SORCS3: variants seen among roughly 807,000 people sequenced by gnomAD.
SORCS3 encodes the protein VPS10 domain-containing receptor SorCS3.
Under a neutral mutation model 146.3 loss-of-function variants are expected in SORCS3, and 57 were observed. That is an observed-to-expected ratio of 0.39 (90% CI 0.31 to 0.49). SORCS3 has a LOEUF of 0.49. Ranked by LOEUF, SORCS3 falls within the 20% of genes least tolerant of loss-of-function variation. The pLI is 0.92. For missense variants in SORCS3, 1,341 were observed against 1,575.5 expected (o/e 0.85, Z 2.52); for synonymous variants, 653 against 618.5 (o/e 1.06, Z -0.83).
intron 4 of SORCS3, among the ~76,000 whole-genome samples, chr10:105,016,134 A>AATATATATATATATATATAT (rs1355412638): frequency 7.1e-4 from 81 of 113,564 alleles, no homozygotes; most frequent in Middle Eastern, 5.3e-3. Flanking sequence ...ATATTATATA[A>AATATATATATATATATATAT]ATATATATAT....
chr10:104,851,336 TG>T (rs1277695741), intron 2 of SORCS3, among the ~76,000 whole-genome samples: 1 of 152,220 alleles, frequency 6.6e-6, no homozygotes, highest in African/African-American at 2.4e-5. Context: ...ATTGTGTCTG[TG>T]GATTGTTATT....
At chr10:104,893,804 T>C (rs2018772444) in intron 2 of SORCS3, among the ~76,000 whole-genome samples, 1 of 152,210 alleles carries the variant, frequency 6.6e-6, no homozygotes, top group African/African-American at 2.4e-5. Context: ...AGCACTGCCA[T>C]GCTTAGTAGT....
chr10:104,935,662 C>T (rs184556041), intron 3 of SORCS3, among the ~76,000 whole-genome samples: 76 of 149,094 alleles, frequency 5.1e-4, no homozygotes, highest in East Asian at 2.3e-3. Context: ...TGATTCTGCC[C>T]GGCAGGTCTA....
At chr10:104,703,979 G>A (rs1353650752) in intron 1 of SORCS3, among the ~76,000 whole-genome samples, 1 of 152,152 alleles carries the variant, frequency 6.6e-6, no homozygotes, top group Non-Finnish European at 1.5e-5. Context: ...GTGTAGAAGT[G>A]TATCAGGTAA....
chr10:105,117,117 A>C (rs188365796), intron 7 of SORCS3, among the ~76,000 whole-genome samples: 29 of 152,220 alleles, frequency 1.9e-4, no homozygotes, highest in Middle Eastern at 3.4e-3. Context: ...CTCATTCTAC[A>C]TGAATTTTCA....
intron 1 of SORCS3, among the ~76,000 whole-genome samples, chr10:104,740,833 A>C (rs918487649): frequency 1.3e-5 from 2 of 152,080 alleles, no homozygotes; most frequent in African/African-American, 4.8e-5. Context: ...TTCTTCTAGG[A>C]TCTTATCTAT....
intron 7 of SORCS3, among the ~76,000 whole-genome samples, chr10:105,115,594 A>G (rs2133760921): frequency 6.6e-6 from 1 of 152,264 alleles, no homozygotes; most frequent in South Asian, 2.1e-4. Context: ...ATGAGATGTA[A>G]CTATTCTGGG....
chr10:105,186,352 T>C (rs1329334294), intron 14 of SORCS3, among the ~76,000 whole-genome samples: 1 of 152,242 alleles, frequency 6.6e-6, no homozygotes, highest in Non-Finnish European at 1.5e-5. Context: ...CCCATAGCAC[T>C]GAACATAATT....
chr10:104,839,192 T>C (rs1415888148), intron 1 of SORCS3, among the ~76,000 whole-genome samples: 1 of 152,202 alleles, frequency 6.6e-6, no homozygotes, highest in Admixed American at 6.5e-5. Context: ...CCTTAAGTTG[T>C]TTAGACTTTA....
intron 2 of SORCS3, among the ~76,000 whole-genome samples, chr10:104,861,126 C>G (rs932790458): frequency 2.0e-5 from 3 of 152,278 alleles, no homozygotes; most frequent in East Asian, 3.9e-4. Context: ...GGTCTCAACT[C>G]CCCCTCAGTT....
intron 3 of SORCS3, among the ~76,000 whole-genome samples, chr10:104,950,359 A>C (rs980038133): frequency 6.6e-6 from 1 of 152,176 alleles, no homozygotes; most frequent in Non-Finnish European, 1.5e-5. Flanking sequence ...CTATTATATG[A>C]TGTGACCGTA....
chr10:105,059,675 A>C (rs790728), intron 5 of SORCS3, among the ~76,000 whole-genome samples: 152,277 of 152,282 alleles, frequency 1, 76,136 homozygotes, highest in Non-Finnish European at 1. Flanking sequence ...ATGCAGTGAG[A>C]ATTTCCCCAA....
chr10:105,241,410 G>A (rs539456939), intron 20 of SORCS3, among the ~76,000 whole-genome samples: 1 of 152,364 alleles, frequency 6.6e-6, no homozygotes, highest in East Asian at 1.9e-4. Context: ...GCCCCAGAGG[G>A]GGTGTTAGAG....
chr10:104,808,752 C>T (rs903939549), intron 1 of SORCS3, among the ~76,000 whole-genome samples: 2 of 152,156 alleles, frequency 1.3e-5, no homozygotes, highest in African/African-American at 4.8e-5. Context: ...ATCAGTTATT[C>T]TACTGAATAC....
intron 1 of SORCS3, among the ~76,000 whole-genome samples, chr10:104,716,538 AGAGACAGG>A (rs992633336): frequency 1.3e-5 from 2 of 152,074 alleles, no homozygotes; most frequent in Non-Finnish European, 2.9e-5. Context: ...GGCAAGAGAG[AGAGACAGG>A]GAGACAGGGA....
chr10:104,877,954 A>G (rs140004960), intron 2 of SORCS3, among the ~76,000 whole-genome samples: 2 of 152,344 alleles, frequency 1.3e-5, no homozygotes, highest in African/African-American at 4.8e-5. Context: ...ATTTATACAT[A>G]TATACCTCAC....
At chr10:104,895,516 TTC>T (rs982839193) in intron 2 of SORCS3, among the ~76,000 whole-genome samples, 2 of 152,226 alleles carry the variant, frequency 1.3e-5, no homozygotes, top group African/African-American at 4.8e-5. Flanking sequence ...ACTGTATATC[TTC>T]TTTCTTTGTC....
intron 4 of SORCS3, among the ~76,000 whole-genome samples, chr10:105,030,251 A>G (rs1474309790): frequency 6.6e-6 from 1 of 152,166 alleles, no homozygotes; most frequent in Non-Finnish European, 1.5e-5. Flanking sequence ...AGCGAGATTC[A>G]CTTCTGCGCT....
intron 1 of SORCS3, among the ~76,000 whole-genome samples, chr10:104,737,916 G>T (rs1212453245): frequency 1.3e-5 from 2 of 150,336 alleles, no homozygotes; most frequent in South Asian, 4.3e-4. Context: ...TAGGTCTAAC[G>T]TTTAAGTCTT....
Sources: allele counts gnomAD v4.1 joint callset (sites outside exome capture counted in the v4.1 genomes callset), GRCh38; gene constraint gnomAD v4.1.1; transcripts MANE v1.5; gene names NCBI Gene and HGNC (gene_info 2026-07-23, HGNC 2026-07-21).